The following DYM variants were observed in gnomAD, a reference collection of about 807,000 sequenced individuals.
DYM encodes the protein dyggve-Melchior-Clausen syndrome protein.
Under a neutral mutation model 93.1 loss-of-function variants are expected in DYM, and 78 were observed. That is an observed-to-expected ratio of 0.84 (90% CI 0.70 to 1.01). The LOEUF (loss-of-function observed/expected upper bound fraction) is 1.01, where lower values mean the gene tolerates loss of function less well. Among genes scored for constraint, DYM ranks in the 50% least tolerant of loss-of-function variants. DYM has a pLI of 0.00. For synonymous variants in DYM, 321 were observed against 319.7 expected (o/e 1.00, Z -0.04); for missense variants, 789 against 845.0 (o/e 0.93, Z 0.82).
intron 15 of DYM, among the ~76,000 whole-genome samples, chr18:49,122,928 A>G (rs2082507530): frequency 6.6e-6 from 1 of 152,180 alleles, no homozygotes; most frequent in South Asian, 2.1e-4. Context: ...ACTCTCTTTG[A>G]TAGTGTCCAG....
At chr18:49,100,289 C>T (rs945068283) in intron 16 of DYM, among the ~76,000 whole-genome samples, 4 of 152,038 alleles carry the variant, frequency 2.6e-5, no homozygotes, top group Admixed American at 6.6e-5. Flanking sequence ...AATCACTAAT[C>T]GAGATAACAA....
At chr18:49,186,835 T>A (rs2090478523) in intron 14 of DYM, among the ~76,000 whole-genome samples, 1 of 151,934 alleles carries the variant, frequency 6.6e-6, no homozygotes, top group African/African-American at 2.4e-5. Context: ...ACCATCACTT[T>A]CAGAGGACAT....
chr18:49,357,633 T>A (rs990467050), intron 6 of DYM, among the ~76,000 whole-genome samples: 1 of 152,166 alleles, frequency 6.6e-6, no homozygotes, highest in African/African-American at 2.4e-5. Context: ...ACAAAATGCT[T>A]TAAGCACAGT....
chr18:49,338,519 A>G (rs1020153938), intron 6 of DYM, among the ~76,000 whole-genome samples: 2 of 152,236 alleles, frequency 1.3e-5, no homozygotes, highest in Non-Finnish European at 2.9e-5. Flanking sequence ...GCCACTCTAT[A>G]CAGCTGTAGT....
chr18:49,096,720 T>A (rs1330365159), intron 17 of DYM, among the ~76,000 whole-genome samples: 2 of 152,216 alleles, frequency 1.3e-5, no homozygotes, highest in Non-Finnish European at 2.9e-5. Context: ...GGAATACATC[T>A]ATCAAACAGA....
chr18:49,453,448 C>T (rs1000116375), intron 1 of DYM, among the ~76,000 whole-genome samples: 5 of 152,286 alleles, frequency 3.3e-5, no homozygotes, highest in South Asian at 4.1e-4. Context: ...ACACTCACTG[C>T]GAAGGTCTGC....
At chr18:49,430,976 C>T (rs1455972717) in intron 1 of DYM, among the ~76,000 whole-genome samples, 7 of 151,984 alleles carry the variant, frequency 4.6e-5, no homozygotes, top group Admixed American at 1.3e-4. Flanking sequence ...TACCATGTAT[C>T]TTAGGATGGG....
chr18:49,071,382 C>G (rs745461605), intron 17 of DYM, among the ~76,000 whole-genome samples: 1 of 152,242 alleles, frequency 6.6e-6, no homozygotes, highest in Non-Finnish European at 1.5e-5. Flanking sequence ...AAAGTAACCA[C>G]TTAACTTCAG....
At position 49,039,707 on chromosome 18, in the gene DYM, C is replaced by G. The variant is rs573988670; in HGVS notation, c.*4348G>C. Among the ~76,000 whole-genome samples the G allele has an allele frequency of 1.0e-3, 156 of 152,096 alleles. 1 individual carries two copies. Among genetic ancestry groups the G allele is most frequent in the Middle Eastern group, 6.8e-3 (2 of 294 alleles). On this transcript the variant is annotated 3_prime_UTR_variant, in exon 18 of 18. Transcript: ENST00000675505. ...TCTTAAACCTGTTCACTGTTCTTCTCATTACAGTACTTTAGTTATAGAATT... is the reference window on the plus strand; with the variant it reads ...TCTTAAACCTGTTCACTGTTCTTCTGATTACAGTACTTTAGTTATAGAATT...
intron 6 of DYM, among the ~76,000 whole-genome samples, chr18:49,348,698 C>T (rs966212908): frequency 6.6e-6 from 1 of 151,854 alleles, no homozygotes; most frequent in African/African-American, 2.4e-5. Context: ...TACCTGAGGT[C>T]AAGACATAGA....
At chr18:49,339,925 G>GT (rs1269032274) in intron 6 of DYM, among the ~76,000 whole-genome samples, 373 of 151,934 alleles carry the variant, frequency 2.5e-3, no homozygotes, top group Middle Eastern at 0.01. Flanking sequence ...CAGGTTTTGG[G>GT]TTTTTTTGGG....
intron 1 of DYM, among the ~76,000 whole-genome samples, chr18:49,433,469 G>A (rs1285724752): frequency 6.6e-6 from 1 of 152,166 alleles, no homozygotes; most frequent in East Asian, 1.9e-4. Flanking sequence ...TCCAGAAGCA[G>A]CAGCAGGATT....
At chr18:49,399,101 G>T (rs1448724294) in intron 2 of DYM, among the ~76,000 whole-genome samples, 1 of 152,180 alleles carries the variant, frequency 6.6e-6, no homozygotes, top group Non-Finnish European at 1.5e-5. Flanking sequence ...CTTCGTGAAA[G>T]ATGCTGCCTC....
At chr18:49,210,861 G>A (rs1193743428) in intron 13 of DYM, among the ~76,000 whole-genome samples, 1 of 152,066 alleles carries the variant, frequency 6.6e-6, no homozygotes, top group Non-Finnish European at 1.5e-5. Flanking sequence ...GTCTATTTAG[G>A]GGAGAAAAGG....
rs1343122293 is a variant in DYM, at chr18:49,282,147, T to G, written c.975A>C (p.Pro325=). ...QDSSPFPSSI[P]HAFQINFNSL... is the part of the protein sequence containing the mutation. ...TATTAAAGTTGATCTGGAAGGCATG[T>G]GGAATTGATGAGGGGAAAGGACTGC... Residue 325 remains proline (P), a synonymous_variant, in exon 10 of 18, where the codon CCA becomes CCC. Transcript: ENST00000675505. 9.9e-6 allele frequency: 16 copies of G among 1,613,824 alleles called. No homozygotes were observed. Among genetic ancestry groups the G allele is most frequent in the African/African-American group, 1.3e-5 (1 of 74,874 alleles).
At chr18:49,211,251 A>C (rs992033919) in intron 13 of DYM, among the ~76,000 whole-genome samples, 12 of 152,210 alleles carry the variant, frequency 7.9e-5, no homozygotes, top group African/African-American at 2.9e-4. Flanking sequence ...CAAGATTTTA[A>C]AGTGATATTA....
At chr18:49,237,631 T>C (rs2093911275) in intron 13 of DYM, among the ~76,000 whole-genome samples, 1 of 152,188 alleles carries the variant, frequency 6.6e-6, no homozygotes, top group African/African-American at 2.4e-5. Flanking sequence ...AGGATACCAT[T>C]AGTGAAAAAA....
intron 17 of DYM, among the ~76,000 whole-genome samples, chr18:49,086,640 T>C (rs188665809): frequency 1.2e-3 from 178 of 152,140 alleles, no homozygotes; most frequent in Non-Finnish European, 2.4e-3. Flanking sequence ...GGTGAGGCTT[T>C]GGGGAAATAA....
Position 49,391,623 on chromosome 18 carries a change from C to G in DYM, c.163G>C (p.Glu55Gln), listed in dbSNP as rs1455969623. The change falls in exon 3 of 18, where the codon GAA becomes CAA. Residue 55 changes from glutamate (E) to glutamine (Q), a missense_variant. Glu to Gln is a conservative substitution (Grantham distance 29). Coordinates refer to ENST00000675505, the MANE Select transcript of DYM (RefSeq NM_001353214.3). ...GACCTGCAGACTGAAATGGTTGCTT[C>G]CTCCAAGAGTTTCAACTCACTACTG... ...TSSSELKLLE[E>Q]ATISVCRSLV... is the part of the protein sequence containing the mutation. 1.9e-6 allele frequency: 3 copies of G among 1,613,418 alleles called. No individual in the cohort carries two copies. The South Asian group carries it at 3.3e-5, about 18-fold the overall frequency.
Sources: gnomAD v4.1 joint callset for allele counts (sites outside exome capture counted in the v4.1 genomes callset) on GRCh38, gnomAD v4.1.1 for gene constraint, MANE v1.5 for transcripts, NCBI Gene and HGNC (gene_info 2026-07-23, HGNC 2026-07-21) for gene names.